The following RASAL2 variants were observed in gnomAD, a reference collection of about 807,000 sequenced individuals.
RASAL2 encodes ras GTPase-activating protein nGAP.
A neutral mutation model predicts 128.9 loss-of-function variants in RASAL2; 58 were observed. That is an observed-to-expected ratio of 0.45 (90% CI 0.36 to 0.56). RASAL2 has a LOEUF of 0.56. Ranked by LOEUF, RASAL2 falls within the 20% of genes least tolerant of loss-of-function variation. The pLI is 0.00. For synonymous variants in RASAL2, 561 were observed against 580.8 expected, an observed-to-expected ratio of 0.97 and a Z score of 0.49; for missense variants, 1,360 against 1,601.6, an observed-to-expected ratio of 0.85 and a Z score of 2.57.
At chr1:178,306,680 G>C (rs1273978309) in intron 3 of RASAL2, among the ~76,000 whole-genome samples, 1 of 151,852 alleles carries the variant, frequency 6.6e-6, no homozygotes, top group Non-Finnish European at 1.5e-5. Context: ...GTGTTTTTTG[G>C]CTGCGTAAGT....
At chr1:178,247,315 A>G (rs1256301136) in intron 1 of RASAL2, among the ~76,000 whole-genome samples, 1 of 149,132 alleles carries the variant, frequency 6.7e-6, no homozygotes, top group Non-Finnish European at 1.5e-5. Context: ...GTGTCTAGGA[A>G]TTTATCCATT....
intron 1 of RASAL2, among the ~76,000 whole-genome samples, chr1:178,198,010 C>T (rs1486619018): frequency 2.6e-5 from 4 of 152,174 alleles, no homozygotes; most frequent in South Asian, 2.1e-4. Context: ...TCATCCATGT[C>T]GCTACAAAGG....
At chr1:178,368,111 A>C (rs1671502325) in intron 3 of RASAL2, among the ~76,000 whole-genome samples, 1 of 152,168 alleles carries the variant, frequency 6.6e-6, no homozygotes, top group Non-Finnish European at 1.5e-5. Context: ...CTGGCCCTCC[A>C]CAGAAAAAGT....
At chr1:178,284,193 A>G (rs141980854) in intron 2 of RASAL2, among the ~76,000 whole-genome samples, 215 of 152,336 alleles carry the variant, frequency 1.4e-3, no homozygotes, top group African/African-American at 4.4e-3. Flanking sequence ...GAAGAAAGTG[A>G]TGTTTCTGGA....
At chr1:178,450,599 C>T (rs2102880255) in intron 9 of RASAL2, among the ~76,000 whole-genome samples, 1 of 152,208 alleles carries the variant, frequency 6.6e-6, no homozygotes, top group East Asian at 1.9e-4. Context: ...GTTTTGCAGG[C>T]ATTATTGTTC....
intron 1 of RASAL2, among the ~76,000 whole-genome samples, chr1:178,151,915 C>T (rs1213192869): frequency 6.6e-6 from 1 of 152,218 alleles, no homozygotes; most frequent in East Asian, 1.9e-4. Context: ...AACATCCTGG[C>T]TGAGGTGTAG....
At chr1:178,401,280 G>A (rs976253398) in intron 4 of RASAL2, among the ~76,000 whole-genome samples, 1 of 152,142 alleles carries the variant, frequency 6.6e-6, no homozygotes, top group Non-Finnish European at 1.5e-5. Context: ...TCAACATTGT[G>A]TACTGGTTTT....
intron 14 of RASAL2, among the ~76,000 whole-genome samples, chr1:178,461,142 C>A (rs1463837718): frequency 6.6e-6 from 1 of 152,092 alleles, no homozygotes; most frequent in African/African-American, 2.4e-5. Flanking sequence ...CTGTTTCTTG[C>A]TTGCTTTGTT....
intron 1 of RASAL2, among the ~76,000 whole-genome samples, chr1:178,238,727 C>T (rs1214280179): frequency 6.6e-6 from 1 of 152,108 alleles, no homozygotes; most frequent in Non-Finnish European, 1.5e-5. Flanking sequence ...TCCCACACCT[C>T]TGCTCAAAAT....
chr1:178,277,198 TATG>T, intron 1 of RASAL2, among the ~76,000 whole-genome samples: 1 of 143,904 alleles, frequency 6.9e-6, no homozygotes, highest in Non-Finnish European at 1.5e-5. Context: ...GGCCTATTAA[TATG>T]ATATTAAACA....
intron 1 of RASAL2, among the ~76,000 whole-genome samples, chr1:178,213,322 G>T (rs1026474035): frequency 5.9e-5 from 9 of 152,142 alleles, no homozygotes; most frequent in African/African-American, 2.2e-4. Flanking sequence ...GGGATTACAG[G>T]CATGAGCCAC....
At chr1:178,364,095 CAAAA>C (rs1331381002) in intron 3 of RASAL2, among the ~76,000 whole-genome samples, 1 of 108,242 alleles carries the variant, frequency 9.2e-6, no homozygotes. Flanking sequence ...GACTCCATCT[CAAAA>C]AAAAAAAAAA....
At chr1:178,098,576 G>A (rs941901579) in intron 1 of RASAL2, among the ~76,000 whole-genome samples, 4 of 152,128 alleles carry the variant, frequency 2.6e-5, no homozygotes, top group African/African-American at 9.7e-5. Context: ...CCAATCTCTA[G>A]GATTGCCTGC....
intron 1 of RASAL2, among the ~76,000 whole-genome samples, chr1:178,201,735 A>G (rs920509819): frequency 2.8e-5 from 4 of 143,962 alleles, no homozygotes; most frequent in African/African-American, 1.0e-4. Context: ...TGGCTAATTA[A>G]TCATGGTGTT....
intron 4 of RASAL2, among the ~76,000 whole-genome samples, chr1:178,400,398 C>T (rs1198712555): frequency 2.0e-5 from 3 of 152,142 alleles, no homozygotes; most frequent in Non-Finnish European, 4.4e-5. Flanking sequence ...TCCAGTGTTT[C>T]GTTACCTCTT....
At chr1:178,391,047 A>G (rs1031067829) in intron 4 of RASAL2, among the ~76,000 whole-genome samples, 3 of 152,190 alleles carry the variant, frequency 2.0e-5, no homozygotes, top group African/African-American at 7.2e-5. Context: ...TGACCATGGA[A>G]GTGCTTAAGA....
chr1:178,442,621 G>GTTTTTTTTT, intron 7 of RASAL2, 54 bp from the exon 8 acceptor site: 1 of 1,415,566 alleles, frequency 7.1e-7, no homozygotes, highest in African/African-American at 1.5e-5. Context: ...AGAAAAAAAT[G>GTTTTTTTTT]TTTTTTTTTC....
At chr1:178,262,964 C>G (rs1304268619) in intron 1 of RASAL2, among the ~76,000 whole-genome samples, 1 of 151,888 alleles carries the variant, frequency 6.6e-6, no homozygotes, top group Non-Finnish European at 1.5e-5. Flanking sequence ...TTGTCTTTTC[C>G]TTTGTAAAGT....
At position 178,443,035 on chromosome 1, in the gene RASAL2, C is replaced by T. The variant is rs1676775217; in HGVS notation, c.1288C>T (p.Pro430Ser). The change falls in exon 8 of 18, where the codon CCT becomes TCT. Residue 430 changes from proline (P) to serine (S), a missense_variant. Physicochemically the swap from Pro to Ser is moderately conservative, Grantham distance 74 (BLOSUM62 -1). Coordinates refer to ENST00000367649, the MANE Select transcript of RASAL2 (RefSeq NM_170692.4). ...PTPNKGKTGG[P>S]SIRIKSRFQT... ...ACCCAACAAAGGAAAGACAGGAGGA[C>T]CTTCTATTCGGATTAAATCACGTTT... 6.2e-7 allele frequency: 1 copy of T among 1,614,056 alleles called. No homozygotes were observed. The highest frequency in any genetic ancestry group is 8.5e-7 in the Non-Finnish European group (1 of 1,179,970).
Sources: allele counts gnomAD v4.1 joint callset (sites outside exome capture counted in the v4.1 genomes callset), GRCh38; gene constraint gnomAD v4.1.1; transcripts MANE v1.5; gene names NCBI Gene and HGNC (gene_info 2026-07-23, HGNC 2026-07-21).